SLC35F4: variants seen among roughly 807,000 people sequenced by gnomAD.
SLC35F4 encodes solute carrier family 35 member F4, also known as chromosome 14 open reading frame 36.
SLC35F4 carries 24 observed loss-of-function variants against 44.2 expected under a neutral mutation model. The ratio of observed to expected loss-of-function variants is 0.54; its 90% CI spans 0.39 to 0.76. The LOEUF is 0.76. Among genes scored for constraint, SLC35F4 ranks in the 30% least tolerant of loss-of-function variants. The probability of loss-of-function intolerance (pLI) is 0.00; values close to 1 mark genes in which losing one functional copy is unlikely to be tolerated. For synonymous variants in SLC35F4, 238 were observed against 223.6 expected, an observed-to-expected ratio of 1.06 and a Z score of -0.57; for missense variants, 562 against 586.1, an observed-to-expected ratio of 0.96 and a Z score of 0.42.
At chr14:57,619,631 C>G (rs2072064401) in intron 1 of SLC35F4, among the ~76,000 whole-genome samples, 1 of 152,144 alleles carries the variant, frequency 6.6e-6, no homozygotes, top group African/African-American at 2.4e-5. Flanking sequence ...CAGAATGCCT[C>G]TTCTCCAAAG....
intron 1 of SLC35F4, among the ~76,000 whole-genome samples, chr14:57,762,979 C>T (rs2077158970): frequency 6.6e-6 from 1 of 151,944 alleles, no homozygotes; most frequent in African/African-American, 2.4e-5. Flanking sequence ...AAAGAGAGCC[C>T]CAACACTGTA....
intron 4 of SLC35F4, among the ~76,000 whole-genome samples, chr14:57,576,368 A>C (rs2068789323): frequency 6.6e-6 from 1 of 152,194 alleles, no homozygotes; most frequent in Non-Finnish European, 1.5e-5. Flanking sequence ...GCCCCTAAAA[A>C]TGCAGATCTC....
At chr14:57,695,742 C>T (rs1566771918) in intron 1 of SLC35F4, among the ~76,000 whole-genome samples, 1 of 152,112 alleles carries the variant, frequency 6.6e-6, no homozygotes, top group Non-Finnish European at 1.5e-5. Flanking sequence ...AACAGCACTA[C>T]TCACAATAGC....
chr14:57,932,836 A>C (rs116537086), intron 1 of SLC35F4, among the ~76,000 whole-genome samples: 196 of 152,180 alleles, frequency 1.3e-3, no homozygotes, highest in African/African-American at 4.5e-3. Flanking sequence ...AATTTAGTCA[A>C]GCTATCTATA....
At chr14:57,583,552 A>C (rs1317794138) in intron 3 of SLC35F4, among the ~76,000 whole-genome samples, 1 of 152,210 alleles carries the variant, frequency 6.6e-6, no homozygotes, top group Non-Finnish European at 1.5e-5. Context: ...AGGGAAGACC[A>C]ACAGATGTGT....
chr14:57,755,889 C>T (rs539339425), intron 1 of SLC35F4, among the ~76,000 whole-genome samples: 94 of 152,340 alleles, frequency 6.2e-4, no homozygotes, highest in Admixed American at 1.0e-3. Flanking sequence ...CTGCCAGCCT[C>T]GGAGGCCAGG....
At chr14:57,738,297 G>A (rs1428019514) in intron 1 of SLC35F4, among the ~76,000 whole-genome samples, 1 of 152,130 alleles carries the variant, frequency 6.6e-6, no homozygotes, top group Non-Finnish European at 1.5e-5. Context: ...AATGGCCTCT[G>A]TCCTAGGAAG....
intron 1 of SLC35F4, among the ~76,000 whole-genome samples, chr14:57,673,497 T>A (rs1566749725): frequency 6.6e-6 from 1 of 152,084 alleles, no homozygotes; most frequent in Admixed American, 6.6e-5. Context: ...GATATGCATA[T>A]GTAATAAGAT....
intron 1 of SLC35F4, among the ~76,000 whole-genome samples, chr14:57,617,127 A>ATTTTTTTTT (rs1566688809): frequency 1.6e-5 from 1 of 64,092 alleles, no homozygotes; most frequent in Non-Finnish European, 3.7e-5. Context: ...AACTGTACTT[A>ATTTTTTTTT]TTCTTTTTTT....
At chr14:57,688,480 T>C (rs1053195519) in intron 1 of SLC35F4, among the ~76,000 whole-genome samples, 2 of 152,230 alleles carry the variant, frequency 1.3e-5, no homozygotes, top group Non-Finnish European at 2.9e-5. Flanking sequence ...GATGAGATTA[T>C]GGGTTCTTTA....
chr14:57,832,294 C>T (rs568481769), intron 1 of SLC35F4, among the ~76,000 whole-genome samples: 1 of 151,902 alleles, frequency 6.6e-6, no homozygotes, highest in East Asian at 1.9e-4. Context: ...TTTAACTGCT[C>T]TAGTCACCTG....
At chr14:57,796,258 G>A (rs1439788916) in intron 1 of SLC35F4, among the ~76,000 whole-genome samples, 1 of 152,150 alleles carries the variant, frequency 6.6e-6, no homozygotes, top group Non-Finnish European at 1.5e-5. Context: ...ATGAACATAT[G>A]TGTGCATATG....
intron 1 of SLC35F4, among the ~76,000 whole-genome samples, chr14:57,720,348 G>A (rs1158143226): frequency 1.3e-5 from 2 of 152,138 alleles, no homozygotes; most frequent in African/African-American, 4.8e-5. Flanking sequence ...TGGCCTCATA[G>A]AGTGAGTTTG....
intron 1 of SLC35F4, among the ~76,000 whole-genome samples, chr14:57,789,402 T>C (rs2093233): frequency 0.063 from 9,586 of 152,094 alleles, 877 homozygotes; most frequent in African/African-American, 0.2. Flanking sequence ...CTAGAAGAAA[T>C]GGATAAATTC....
chr14:57,731,043 A>T (rs937165722), intron 1 of SLC35F4, among the ~76,000 whole-genome samples: 4 of 152,226 alleles, frequency 2.6e-5, no homozygotes, highest in Non-Finnish European at 4.4e-5. Context: ...CTTGGGAAGG[A>T]GACATTTTAT....
At chr14:57,687,866 G>C (rs1190432027) in intron 1 of SLC35F4, among the ~76,000 whole-genome samples, 2 of 152,108 alleles carry the variant, frequency 1.3e-5, no homozygotes, top group Non-Finnish European at 2.9e-5. Context: ...ACTCTAATTT[G>C]AGAAAAAAAT....
At chr14:57,618,610 G>T (rs1013184333) in intron 1 of SLC35F4, among the ~76,000 whole-genome samples, 6 of 152,210 alleles carry the variant, frequency 3.9e-5, no homozygotes, top group African/African-American at 1.4e-4. Context: ...AAACTGGGTG[G>T]TCACTTGGGC....
intron 1 of SLC35F4, among the ~76,000 whole-genome samples, chr14:57,685,246 T>A (rs558496242): frequency 5.3e-5 from 8 of 152,096 alleles, no homozygotes; most frequent in African/African-American, 1.7e-4. Context: ...ATTGTGAGAT[T>A]TGCACTAACC....
At position 57,658,548 on chromosome 14, in the gene SLC35F4, G is replaced by A. The variant is rs74977493; in HGVS notation, c.104-64424C>T. On this transcript the variant is annotated intron_variant, in intron 1 of 7. Coordinates refer to ENST00000556826, the MANE Select transcript of SLC35F4 (RefSeq NM_001306087.2). Reference sequence around the variant, plus strand: ...ATGAAACAGCAGACATAAAAGAGGAGCTATTAATCTGTCAGGTTCCAAGGG... The same window carrying A: ...ATGAAACAGCAGACATAAAAGAGGAACTATTAATCTGTCAGGTTCCAAGGG... Among the ~76,000 whole-genome samples, 24 of 152,262 alleles carry A rather than the reference G, an allele frequency of 1.6e-4. No homozygotes were observed. The East Asian group carries it at 4.6e-3, about 29-fold the overall frequency.
Sources: gnomAD v4.1 joint callset for allele counts (sites outside exome capture counted in the v4.1 genomes callset) on GRCh38, gnomAD v4.1.1 for gene constraint, MANE v1.5 for transcripts, NCBI Gene and HGNC (gene_info 2026-07-23, HGNC 2026-07-21) for gene names.